Variants in CSMD1 observed in about 807,000 individuals in gnomAD.
The protein encoded by CSMD1 is CUB and Sushi multiple domains 1.
A neutral mutation model predicts 417.5 loss-of-function variants in CSMD1; 213 were observed. The ratio of observed to expected loss-of-function variants is 0.51; its 90% CI spans 0.46 to 0.57. The LOEUF (loss-of-function observed/expected upper bound fraction) is 0.57. Among genes scored for constraint, CSMD1 ranks in the 20% least tolerant of loss-of-function variants. The pLI is 0.00. For synonymous variants in CSMD1, 2,862 were observed against 1,736.8 expected, an observed-to-expected ratio of 1.65 and a Z score of -16.11; for missense variants, 6,923 against 4,529.7, an observed-to-expected ratio of 1.53 and a Z score of -15.17.
At chr8:4,153,981 GGCAGAATCCAATGATA>G (rs1796699093) in intron 3 of CSMD1, among the ~76,000 whole-genome samples, 1 of 152,174 alleles carries the variant, frequency 6.6e-6, no homozygotes, top group Non-Finnish European at 1.5e-5. Flanking sequence ...TTACTGAGAA[GGCAGAATCCAATGATA>G]GCTTTCCATC....
intron 21 of CSMD1, 103 bp downstream of exon 21, chr8:3,359,049 C>A: frequency 9.4e-7 from 1 of 1,068,954 alleles, no homozygotes. Context: ...CCCTCTCCTT[C>A]CTTGTCAACA....
At chr8:3,424,313 G>C (rs1292785470) in intron 12 of CSMD1, among the ~76,000 whole-genome samples, 2 of 152,146 alleles carry the variant, frequency 1.3e-5, no homozygotes, top group African/African-American at 2.4e-5. Context: ...TTAATTTTGA[G>C]TACAATCTGA....
At chr8:4,436,470 CATA>C (rs1218783945) in intron 2 of CSMD1, among the ~76,000 whole-genome samples, 5 of 146,372 alleles carry the variant, frequency 3.4e-5, no homozygotes, top group Admixed American at 1.3e-4. Context: ...AAATGCAATG[CATA>C]ATAATCACCT....
intron 4 of CSMD1, among the ~76,000 whole-genome samples, chr8:4,014,241 A>G (rs1005626301): frequency 3.9e-5 from 6 of 152,230 alleles, no homozygotes; most frequent in African/African-American, 1.2e-4. Context: ...AAAATCTAAC[A>G]GAAGCAACAA....
chr8:4,201,091 C>A (rs570510236), intron 3 of CSMD1, among the ~76,000 whole-genome samples: 3 of 152,284 alleles, frequency 2.0e-5, no homozygotes, highest in African/African-American at 4.8e-5. Flanking sequence ...GGGCCAATGT[C>A]TTACCTTTCA....
rs1031797158 is a variant in CSMD1 at position 3,063,367 on chromosome 8, T to C, written c.7475-10720A>G. 3.3e-5 allele frequency among the ~76,000 whole-genome samples: 5 copies of C among 152,166 alleles called. No individual in the cohort carries two copies. The East Asian group carries it at 9.6e-4, about 29-fold the overall frequency. Reference sequence around the variant, plus strand: ...GAAATAATGAGTGCTGACAAAGATGTGATAAAATTGAAACCCTTGTGTACT... The same window carrying C: ...GAAATAATGAGTGCTGACAAAGATGCGATAAAATTGAAACCCTTGTGTACT... On this transcript the variant is annotated intron_variant, in intron 49 of 69. Transcript: ENST00000635120.
At chr8:4,845,756 C>G (rs553781966) in intron 1 of CSMD1, among the ~76,000 whole-genome samples, 13 of 152,304 alleles carry the variant, frequency 8.5e-5, no homozygotes, top group African/African-American at 2.6e-4. Context: ...GCTCAGGGAG[C>G]TGCTCAAGAA....
chr8:3,975,175 T>A (rs893503900), intron 5 of CSMD1, among the ~76,000 whole-genome samples: 3 of 152,222 alleles, frequency 2.0e-5, no homozygotes, highest in African/African-American at 7.2e-5. Flanking sequence ...CAGTATGATT[T>A]TCATTCAGCA....
chr8:4,892,086 T>C (rs533102175), intron 1 of CSMD1, among the ~76,000 whole-genome samples: 5 of 152,090 alleles, frequency 3.3e-5, no homozygotes, highest in South Asian at 4.1e-4. Flanking sequence ...TAGGAAGAAA[T>C]AGAACTTGCT....
chr8:3,049,845 G>A (rs150145349), intron 50 of CSMD1, among the ~76,000 whole-genome samples: 4 of 152,174 alleles, frequency 2.6e-5, no homozygotes, highest in African/African-American at 7.2e-5. Context: ...TTGATAGTGG[G>A]GAGGTATGCA....
chr8:4,459,843 T>G (rs1322227434), intron 2 of CSMD1, among the ~76,000 whole-genome samples: 1 of 152,176 alleles, frequency 6.6e-6, no homozygotes, highest in African/African-American at 2.4e-5. Context: ...CCTAGATAAC[T>G]AAAGCATGCC....
chr8:3,624,590 G>T (rs145156938), intron 7 of CSMD1, among the ~76,000 whole-genome samples: 4,460 of 152,194 alleles, frequency 0.029, 131 homozygotes, highest in Non-Finnish European at 0.043. Context: ...CTTCAGAGAG[G>T]TGACGTATGT....
intron 4 of CSMD1, among the ~76,000 whole-genome samples, chr8:4,019,772 G>T (rs904818089): frequency 6.6e-6 from 1 of 152,088 alleles, no homozygotes; most frequent in African/African-American, 2.4e-5. Flanking sequence ...TGTCCAAGTG[G>T]TGGTGTGTAA....
At chr8:3,646,269 G>A (rs1472580082) in intron 7 of CSMD1, among the ~76,000 whole-genome samples, 1 of 152,128 alleles carries the variant, frequency 6.6e-6, no homozygotes. Flanking sequence ...GATGTTAACT[G>A]TAATTTTTCT....
At chr8:3,075,932 T>C (rs1192639343) in intron 49 of CSMD1, among the ~76,000 whole-genome samples, 2 of 150,350 alleles carry the variant, frequency 1.3e-5, no homozygotes, top group East Asian at 4.0e-4. Context: ...GCGCCTGTAG[T>C]CCCAGCTCCT....
intron 10 of CSMD1, among the ~76,000 whole-genome samples, chr8:3,507,036 A>T (rs1170370353): frequency 6.6e-6 from 1 of 152,186 alleles, no homozygotes; most frequent in Admixed American, 6.5e-5. Context: ...GAACAAACGT[A>T]TATACCAAGT....
intron 26 of CSMD1, among the ~76,000 whole-genome samples, chr8:3,281,762 C>T (rs1802756138): frequency 6.6e-6 from 1 of 152,102 alleles, no homozygotes; most frequent in Non-Finnish European, 1.5e-5. Context: ...ATGCATTTTT[C>T]CAAACTCATT....
intron 1 of CSMD1, among the ~76,000 whole-genome samples, chr8:4,755,826 C>A (rs1254167843): frequency 1.3e-5 from 2 of 152,256 alleles, no homozygotes; most frequent in African/African-American, 4.8e-5. Flanking sequence ...CTTATTGTTA[C>A]ATTAAATCAC....
intron 69 of CSMD1, 119 bp from the exon 70 acceptor site, chr8:2,938,863 C>A (rs1801671216): frequency 5.9e-6 from 5 of 847,118 alleles, no homozygotes; most frequent in Non-Finnish European, 9.1e-6. Context: ...AGGACGTTTG[C>A]AAAGAAGGAA....
Sources: allele counts gnomAD v4.1 joint callset (sites outside exome capture counted in the v4.1 genomes callset), GRCh38; gene constraint gnomAD v4.1.1; transcripts MANE v1.5; gene names NCBI Gene and HGNC (gene_info 2026-07-23, HGNC 2026-07-21).